Variants in DOK5 observed in about 807,000 individuals in gnomAD.
The protein encoded by DOK5 is downstream of tyrosine kinase 5.
DOK5 carries 27 observed loss-of-function variants against 43.3 expected under a neutral mutation model. The observed-to-expected ratio is 0.62, with a 90% confidence interval of 0.46 to 0.86. DOK5 has a LOEUF of 0.86. Ranked by LOEUF, DOK5 falls within the 40% of genes least tolerant of loss-of-function variation. The probability of loss-of-function intolerance (pLI) is 0.00; values close to 1 mark genes in which losing one functional copy is unlikely to be tolerated. For synonymous variants in DOK5, 146 were observed against 140.1 expected (o/e 1.04, Z -0.30); for missense variants, 373 against 392.9 (o/e 0.95, Z 0.43).
chr20:54,584,017 G>T (rs1266996441), intron 2 of DOK5, among the ~76,000 whole-genome samples: 1 of 151,850 alleles, frequency 6.6e-6, no homozygotes, highest in Non-Finnish European at 1.5e-5. Context: ...GAGCACGGTG[G>T]TGCACACCTA....
chr20:54,522,664 C>A (rs917732250), intron 1 of DOK5, among the ~76,000 whole-genome samples: 2 of 151,726 alleles, frequency 1.3e-5, no homozygotes, highest in Non-Finnish European at 2.9e-5. Flanking sequence ...GGATTACAGG[C>A]GTCCACTACC....
At chr20:54,598,145 C>T (rs1376808764) in intron 5 of DOK5, among the ~76,000 whole-genome samples, 7 of 152,176 alleles carry the variant, frequency 4.6e-5, no homozygotes, top group African/African-American at 1.7e-4. Flanking sequence ...GTGTTTTTCT[C>T]CTTCTCCTCC....
At chr20:54,550,947 G>A (rs1984508624) in intron 1 of DOK5, among the ~76,000 whole-genome samples, 1 of 152,108 alleles carries the variant, frequency 6.6e-6, no homozygotes, top group Non-Finnish European at 1.5e-5. Context: ...GTTGTATGAT[G>A]CTGGTTTCAT....
intron 4 of DOK5, among the ~76,000 whole-genome samples, chr20:54,589,775 G>T (rs1293311560): frequency 6.6e-6 from 1 of 152,150 alleles, no homozygotes; most frequent in African/African-American, 2.4e-5. Context: ...TTGGAACTAT[G>T]TCTTCATGAC....
At chr20:54,567,053 G>A (rs937660205) in intron 2 of DOK5, among the ~76,000 whole-genome samples, 3 of 151,772 alleles carry the variant, frequency 2.0e-5, no homozygotes, top group Admixed American at 2.0e-4. Flanking sequence ...GGGAGTGTGT[G>A]CGTTTGTGTG....
At chr20:54,580,358 A>G (rs1985597877) in intron 2 of DOK5, among the ~76,000 whole-genome samples, 1 of 152,174 alleles carries the variant, frequency 6.6e-6, no homozygotes. Flanking sequence ...TTTTGAATAA[A>G]TACTCAGAAG....
intron 1 of DOK5, among the ~76,000 whole-genome samples, chr20:54,508,642 G>T (rs557359703): frequency 2.6e-5 from 4 of 151,992 alleles, no homozygotes; most frequent in African/African-American, 9.7e-5. Context: ...GTGCAATGGC[G>T]CGATCTTGGC....
At chr20:54,571,439 G>A (rs1985278595) in intron 2 of DOK5, among the ~76,000 whole-genome samples, 1 of 152,102 alleles carries the variant, frequency 6.6e-6, no homozygotes, top group South Asian at 2.1e-4. Context: ...AGTTGTATGA[G>A]GCAGCTGCCT....
intron 1 of DOK5, among the ~76,000 whole-genome samples, chr20:54,540,675 C>A (rs768708037): frequency 1.3e-5 from 2 of 152,078 alleles, no homozygotes; most frequent in African/African-American, 2.4e-5. Flanking sequence ...CACCACCACA[C>A]CTGGATAATT....
intron 6 of DOK5, among the ~76,000 whole-genome samples, chr20:54,639,871 T>C (rs1353595805): frequency 1.3e-5 from 2 of 152,186 alleles, no homozygotes; most frequent in African/African-American, 2.4e-5. Context: ...ATATTACACA[T>C]TGAAATAAAT....
intron 1 of DOK5, among the ~76,000 whole-genome samples, chr20:54,536,869 C>G (rs6098052): frequency 6.6e-6 from 1 of 152,164 alleles, no homozygotes; most frequent in Non-Finnish European, 1.5e-5. Context: ...AGCTCAGACT[C>G]TCATCCACAC....
At chr20:54,496,691 G>A (rs1457327340) in intron 1 of DOK5, among the ~76,000 whole-genome samples, 6 of 151,048 alleles carry the variant, frequency 4.0e-5, no homozygotes, top group African/African-American at 7.3e-5. Context: ...GCATGAACAC[G>A]GGAGGTGGAG....
At chr20:54,544,091 T>C (rs1984257612) in intron 1 of DOK5, among the ~76,000 whole-genome samples, 1 of 152,230 alleles carries the variant, frequency 6.6e-6, no homozygotes, top group Non-Finnish European at 1.5e-5. Flanking sequence ...TTTTTAAGGA[T>C]TTTTAATCTT....
chr20:54,592,960 A>G (rs1316382623), intron 5 of DOK5, among the ~76,000 whole-genome samples: 1 of 151,586 alleles, frequency 6.6e-6, no homozygotes, highest in Admixed American at 6.5e-5. Context: ...AATTGCTTGT[A>G]AAAGCAGACA....
chr20:54,512,790 CAT>C (rs1284173773), intron 1 of DOK5, among the ~76,000 whole-genome samples: 1 of 152,168 alleles, frequency 6.6e-6, no homozygotes, highest in African/African-American at 2.4e-5. Context: ...TGGGGAAGCC[CAT>C]CACCAGAGCA....
chr20:54,510,916 C>G (rs1464571960), intron 1 of DOK5, among the ~76,000 whole-genome samples: 1 of 152,128 alleles, frequency 6.6e-6, no homozygotes, highest in Non-Finnish European at 1.5e-5. Flanking sequence ...CAACACTGTC[C>G]GTGGTGCTCA....
At chr20:54,633,311 G>A (rs1978657662) in intron 6 of DOK5, among the ~76,000 whole-genome samples, 1 of 152,206 alleles carries the variant, frequency 6.6e-6, no homozygotes, top group Non-Finnish European at 1.5e-5. Context: ...TGTTCAGGAA[G>A]CCACCTGGAG....
intron 2 of DOK5, among the ~76,000 whole-genome samples, chr20:54,565,835 T>A (rs1985075289): frequency 6.6e-6 from 1 of 151,816 alleles, no homozygotes; most frequent in Admixed American, 6.6e-5. Context: ...GCCAACAGGG[T>A]GAAACCATGT....
intron 2 of DOK5, among the ~76,000 whole-genome samples, chr20:54,555,982 C>T (rs1260145052): frequency 7.9e-5 from 12 of 152,086 alleles, no homozygotes; most frequent in African/African-American, 2.2e-4. Context: ...AGTGACTTTT[C>T]GACACCTTAT....
Sources: allele counts gnomAD v4.1 joint callset (sites outside exome capture counted in the v4.1 genomes callset), GRCh38; gene constraint gnomAD v4.1.1; transcripts MANE v1.5; gene names NCBI Gene and HGNC (gene_info 2026-07-23, HGNC 2026-07-21).